ELMOD2: variants seen among roughly 807,000 people sequenced by gnomAD.
The protein encoded by ELMOD2 is ELMO domain containing 2.
ELMOD2 carries 28 observed loss-of-function variants against 41.0 expected under a neutral mutation model. The ratio of observed to expected loss-of-function variants is 0.68; its 90% CI spans 0.51 to 0.94. The LOEUF is 0.94. Ranked by LOEUF, ELMOD2 falls within the 40% of genes least tolerant of loss-of-function variation. The pLI is 0.00. For missense variants in ELMOD2, 333 were observed against 343.1 expected, an observed-to-expected ratio of 0.97 and a Z score of 0.23; for synonymous variants, 106 against 107.2, an observed-to-expected ratio of 0.99 and a Z score of 0.07.
intron 3 of ELMOD2, among the ~76,000 whole-genome samples, chr4:140,534,279 C>T (rs558453238): frequency 1.3e-5 from 2 of 152,128 alleles, no homozygotes; most frequent in East Asian, 1.9e-4. Flanking sequence ...ATCCTAGAAA[C>T]GTTATGTTGA....
At chr4:140,538,576 C>G (rs1025308121) in intron 5 of ELMOD2, among the ~76,000 whole-genome samples, 4 of 152,110 alleles carry the variant, frequency 2.6e-5, no homozygotes, top group African/African-American at 9.7e-5. Context: ...ATTTCTGTCC[C>G]CATTGTCATC....
intron 8 of ELMOD2, among the ~76,000 whole-genome samples, chr4:140,546,195 A>C (rs1221693679): frequency 6.6e-6 from 1 of 152,186 alleles, no homozygotes; most frequent in Non-Finnish European, 1.5e-5. Context: ...AGGGACATGG[A>C]TGAAGCTGGA....
At chr4:140,542,205 G>C (rs1265050607) in intron 6 of ELMOD2, among the ~76,000 whole-genome samples, 1 of 151,314 alleles carries the variant, frequency 6.6e-6, no homozygotes, top group African/African-American at 2.4e-5. Flanking sequence ...TAGAAGGAAT[G>C]AACCTAAGTG....
chr4:140,529,908 C>T (rs1298586359), intron 3 of ELMOD2, among the ~76,000 whole-genome samples: 1 of 152,102 alleles, frequency 6.6e-6, no homozygotes, highest in African/African-American at 2.4e-5. Context: ...CTTATTTTTC[C>T]ATTCCTGAAA....
chr4:140,536,987 A>T (rs1734949944), intron 4 of ELMOD2, among the ~76,000 whole-genome samples: 1 of 152,160 alleles, frequency 6.6e-6, no homozygotes, highest in African/African-American at 2.4e-5. Context: ...TCATTAATAG[A>T]TCTAGACACT....
In ELMOD2 at chr4:140,550,482, A is replaced by T. The variant is rs1214573137; in HGVS notation, c.*107A>T. 3 of 1,161,716 alleles carry T rather than the reference A, an allele frequency of 2.6e-6. No individual in the cohort carries two copies. The highest frequency in any genetic ancestry group is 3.0e-5 in the Admixed American group (1 of 33,080). The allele number at this position is 1,161,716 out of a possible 1,614,324, so 72.0% of individuals were successfully genotyped here. Reference sequence around the variant, plus strand: ...ATTACACTCTTATATATAATTTCCTACAAAAATATTTCAGAAATTCTATTT... The same window carrying T: ...ATTACACTCTTATATATAATTTCCTTCAAAAATATTTCAGAAATTCTATTT... On this transcript the variant is annotated 3_prime_UTR_variant, in exon 9 of 9. Coordinates refer to ENST00000323570, the MANE Select transcript of ELMOD2 (RefSeq NM_153702.4).
At position 140,537,457 on chromosome 4, in the gene ELMOD2, T is replaced by G; in HGVS notation, c.315T>G (p.Tyr105Ter). Residue 105 changes from tyrosine to a stop codon, truncating the protein, a stop_gained, in exon 5 of 9, where the codon TAT becomes TAG. Coordinates refer to ENST00000323570, the MANE Select transcript of ELMOD2 (RefSeq NM_153702.4). LOFTEE classifies it high-confidence loss of function. ...MKMCLLQITG[Y>*]KQLYLDVESV... ...TGTGCTTACTGCAGATAACTGGTTA[T>G]AAACAGCTGTATTTGGATGTAGAAA... 2 of 1,572,106 alleles carry G rather than the reference T, an allele frequency of 1.3e-6. No individual in the cohort carries two copies. Among genetic ancestry groups the G allele is most frequent in the Non-Finnish European group, 1.7e-6 (2 of 1,163,606 alleles).
At chr4:140,546,495 TATAA>T (rs1423260611) in intron 8 of ELMOD2, among the ~76,000 whole-genome samples, 4 of 150,842 alleles carry the variant, frequency 2.7e-5, no homozygotes, top group South Asian at 2.1e-4. Context: ...TAAAAATATA[TATAA>T]ATAAATGTAA....
chr4:140,541,205 T>C (rs988668506), intron 6 of ELMOD2, among the ~76,000 whole-genome samples: 4 of 152,306 alleles, frequency 2.6e-5, no homozygotes, highest in African/African-American at 7.2e-5. Context: ...TTTGGGTCTG[T>C]CCATGAAATT....
At chr4:140,544,836 C>G (rs1382943595) in intron 8 of ELMOD2, among the ~76,000 whole-genome samples, 1 of 152,112 alleles carries the variant, frequency 6.6e-6, no homozygotes, top group Non-Finnish European at 1.5e-5. Flanking sequence ...TCAGTTTAGA[C>G]GTGCTCTTCT....
intron 5 of ELMOD2, among the ~76,000 whole-genome samples, chr4:140,539,529 G>A (rs952437015): frequency 6.6e-5 from 10 of 152,000 alleles, no homozygotes; most frequent in Non-Finnish European, 1.2e-4. Context: ...TGTATTTTTA[G>A]TGGAGATGGG....
At chr4:140,525,714 C>T in intron 2 of ELMOD2, 144 bp downstream of exon 2, 4 of 783,862 alleles carry the variant, frequency 5.1e-6, no homozygotes, top group Non-Finnish European at 5.4e-6. Context: ...CGCTTTGACT[C>T]CTTCAGCTCT....
intron 4 of ELMOD2, 87 bp from the exon 5 acceptor site, chr4:140,537,325 T>C: frequency 8.2e-7 from 1 of 1,212,660 alleles, no homozygotes; most frequent in Non-Finnish European, 1.1e-6. Flanking sequence ...GGAAATGCTT[T>C]CTAAATAGAC....
intron 3 of ELMOD2, among the ~76,000 whole-genome samples, chr4:140,531,358 G>C (rs1734741234): frequency 6.6e-6 from 1 of 152,128 alleles, no homozygotes; most frequent in Admixed American, 6.5e-5. Context: ...TTAACAAACT[G>C]GGATTTATAA....
chr4:140,532,166 G>GTTT (rs56301474), intron 3 of ELMOD2, among the ~76,000 whole-genome samples: 2 of 137,636 alleles, frequency 1.5e-5, no homozygotes, highest in Non-Finnish European at 3.2e-5. Context: ...ATGTTGAGTT[G>GTTT]TTTTTTTTTT....
chr4:140,537,752 A>T (rs1203890920), intron 5 of ELMOD2, among the ~76,000 whole-genome samples: 1 of 150,624 alleles, frequency 6.6e-6, no homozygotes, highest in Non-Finnish European at 1.5e-5. Flanking sequence ...ATTATTATAA[A>T]TATATAATGA....
chr4:140,525,386 C>A, intron 1 of ELMOD2, 34 bp from the exon 2 acceptor site: 1 of 1,594,806 alleles, frequency 6.3e-7, no homozygotes, highest in South Asian at 1.1e-5. Context: ...AGTTTAAGGT[C>A]ATTAAGCTTG....
chr4:140,544,807 C>T (rs1234426790), intron 8 of ELMOD2, among the ~76,000 whole-genome samples: 1 of 152,138 alleles, frequency 6.6e-6, no homozygotes, highest in Non-Finnish European at 1.5e-5. Flanking sequence ...CCAGGTGATG[C>T]CTTCTCGCCT....
chr4:140,530,252 T>C (rs1326503854), intron 3 of ELMOD2, among the ~76,000 whole-genome samples: 2 of 152,150 alleles, frequency 1.3e-5, no homozygotes, highest in African/African-American at 2.4e-5. Flanking sequence ...GGTAAAATCA[T>C]GCCAAGCTTA....
Sources: gnomAD v4.1 joint callset for allele counts (sites outside exome capture counted in the v4.1 genomes callset) on GRCh38, gnomAD v4.1.1 for gene constraint, MANE v1.5 for transcripts, NCBI Gene and HGNC (gene_info 2026-07-23, HGNC 2026-07-21) for gene names.